LMO3: variants seen among roughly 807,000 people sequenced by gnomAD.
The protein encoded by LMO3 is LIM domain only protein 3.
LMO3 carries 2 observed loss-of-function variants against 15.8 expected under a neutral mutation model. That is an observed-to-expected ratio of 0.13 (90% confidence interval 0.05 to 0.40). The LOEUF is 0.40. LMO3 is among the 10% of genes least tolerant of loss of function. LMO3 has a pLI of 0.99. For synonymous variants in LMO3, 62 were observed against 63.8 expected, an observed-to-expected ratio of 0.97 and a Z score of 0.13; for missense variants, 86 against 182.2, an observed-to-expected ratio of 0.47 and a Z score of 3.04.
rs938372614 is a variant in LMO3, at chr12:16,582,693, C to T, written c.206+17962G>A. ...AATAAGTATACCACAACAAGATCAC[C>T]GTTCCTAGGTACGGTCCCTCACTCT... On this transcript the variant is annotated intron_variant, in intron 2 of 3. Transcript: ENST00000537304. This position sits in a 1 kb window ranked among gnomAD's most constrained non-coding sequence, Gnocchi z 4.1. Among the ~76,000 whole-genome samples the T allele has an allele frequency of 1.5e-4, 23 of 152,136 alleles. No individual in the cohort carries two copies. The highest frequency in any genetic ancestry group is 4.6e-4 in the African/African-American group (19 of 41,428).
intron 1 of LMO3, among the ~76,000 whole-genome samples, chr12:16,602,648 T>C (rs1482183692): frequency 1.3e-5 from 2 of 152,208 alleles, no homozygotes; most frequent in African/African-American, 2.4e-5. Context: ...CTAGTGTAGA[T>C]TAATCATAAC....
At chr12:16,594,384 TAC>T in intron 2 of LMO3, 1 of 787,392 alleles carries the variant, frequency 1.3e-6, no homozygotes, top group Non-Finnish European at 1.8e-6. Context: ...ACATGGCTAA[TAC>T]AAATGGAGTT....
chr12:16,609,379 C>T (rs1303130117), upstream of LMO3: 1 of 152,142 alleles, frequency 6.6e-6, no homozygotes, highest in African/African-American at 2.4e-5. Context: ...CTCAGCCAAG[C>T]TAAAGGTTGG....
At chr12:16,552,215 ACT>A (rs1351759439) in intron 3 of LMO3, among the ~76,000 whole-genome samples, 4 of 151,976 alleles carry the variant, frequency 2.6e-5, no homozygotes, top group Non-Finnish European at 5.9e-5. Context: ...CAATAAAGTA[ACT>A]CTGGGGAGAT....
upstream of LMO3, chr12:16,607,277 C>T (rs1004721064): frequency 2.0e-5 from 3 of 152,352 alleles, no homozygotes; most frequent in East Asian, 1.9e-4. Context: ...CCTGCAATTA[C>T]TTGAATTCCT....
rs1942170248 is a variant in LMO3 at position 16,555,822 on chromosome 12, G to C, written c.333-4495C>G. ...AAATTCCTTTCCTCACTGCTCCCTG[G>C]CTCCCTCATCTTCCCCAACCCCGAG... On this transcript the variant is annotated intron_variant, in intron 3 of 3. Transcript: ENST00000537304. The surrounding 1 kb of genome is among the most constrained non-coding windows in gnomAD (Gnocchi z 5.5). Among the ~76,000 whole-genome samples, 1 of 151,944 alleles carries C rather than the reference G, an allele frequency of 6.6e-6. No homozygotes were observed. The highest frequency in any genetic ancestry group is 2.1e-4 in the South Asian group (1 of 4,798).
chr12:16,572,596 T>TA (rs1192312869), intron 2 of LMO3, among the ~76,000 whole-genome samples: 4 of 149,610 alleles, frequency 2.7e-5, no homozygotes, highest in African/African-American at 9.7e-5. Context: ...GAGTATGTGT[T>TA]AGGGTGTGTA....
rs552292102 is a variant in LMO3, at chr12:16,587,630, T to C, written c.206+13025A>G. Reference sequence around the variant, plus strand: ...GTCAGTGTATCATTTTTTTAAGCAATGGACCCTATAATAGCAAGCACTGGT... The same window carrying C: ...GTCAGTGTATCATTTTTTTAAGCAACGGACCCTATAATAGCAAGCACTGGT... On this transcript the variant is annotated intron_variant, in intron 2 of 3. Coordinates refer to ENST00000537304, the MANE Select transcript of LMO3 (RefSeq NM_018640.5). The surrounding 1 kb of genome is among the most constrained non-coding windows in gnomAD (Gnocchi z 4.3). Among the ~76,000 whole-genome samples the C allele has an allele frequency of 6.6e-6, 1 of 152,224 alleles. No individual in the cohort carries two copies. The highest frequency in any genetic ancestry group is 1.9e-4 in the East Asian group (1 of 5,168).
Position 16,596,485 on chromosome 12 carries a change from T to C in LMO3, c.206+4170A>G, listed in dbSNP as rs1233692384. Among the ~76,000 whole-genome samples the C allele has an allele frequency of 2.0e-5, 3 of 151,648 alleles. No individual in the cohort carries two copies. The highest frequency in any genetic ancestry group is 2.0e-4 in the Admixed American group (3 of 15,208). On this transcript the variant is annotated intron_variant, in intron 2 of 3. Transcript: ENST00000537304. This position sits in a 1 kb window ranked among gnomAD's most constrained non-coding sequence, Gnocchi z 4.3. The stretch of plus-strand genomic sequence containing the variant: ...AGATACAAGATACATACAGCCTATA[T>C]AGACTTAATGCTTAAAGTACGTCAC...
intron 2 of LMO3, among the ~76,000 whole-genome samples, chr12:16,580,315 A>C (rs887024362): frequency 6.6e-6 from 1 of 152,192 alleles, no homozygotes; most frequent in Non-Finnish European, 1.5e-5. Flanking sequence ...TACTGGGAGC[A>C]CTAGGAATAG....
Position 16,576,101 on chromosome 12 carries a change from C to T in LMO3, c.207-15563G>A, listed in dbSNP as rs971845217. On this transcript the variant is annotated intron_variant, in intron 2 of 3. Coordinates refer to ENST00000537304, the MANE Select transcript of LMO3 (RefSeq NM_018640.5). The surrounding 1 kb of genome is among the most constrained non-coding windows in gnomAD (Gnocchi z 4.1). ...GCGCGCATCGCTTCTCCCTTGCACT[C>T]ATACTACAACCTCCCAGCTGAACAT... Among the ~76,000 whole-genome samples, 2 of 152,186 alleles carry T rather than the reference C, an allele frequency of 1.3e-5. No homozygotes were observed. Among genetic ancestry groups the T allele is most frequent in the African/African-American group, 2.4e-5 (1 of 41,442 alleles).
At position 16,604,055 on chromosome 12, in the gene LMO3, G is replaced by C. The variant is rs1013440267; in HGVS notation, c.-9+2011C>G. On this transcript the variant is annotated intron_variant, in intron 1 of 3. Transcript: ENST00000537304. The surrounding 1 kb of genome is among the most constrained non-coding windows in gnomAD (Gnocchi z 5.3). ...AATGGGAATGCAGGTTCTGCAGCTG[G>C]GAGCATTGACACAGATTAAAAGAAT... 2.0e-5 allele frequency among the ~76,000 whole-genome samples: 3 copies of C among 152,128 alleles called. No individual in the cohort carries two copies. Among genetic ancestry groups the C allele is most frequent in the African/African-American group, 7.2e-5 (3 of 41,398 alleles).
chr12:16,560,599 A>C lies in LMO3; in HGVS notation c.207-61T>G. 3 of 1,475,866 alleles carry C rather than the reference A, an allele frequency of 2.0e-6. No individual in the cohort carries two copies. The highest frequency in any genetic ancestry group is 2.8e-6 in the Non-Finnish European group (3 of 1,067,516). 91.4% of individuals were successfully genotyped at this position (1,475,866 alleles called of 1,614,324 possible). On this transcript the variant is annotated intron_variant, in intron 2 of 3. Coordinates refer to ENST00000537304, the MANE Select transcript of LMO3 (RefSeq NM_018640.5). This position sits in a 1 kb window ranked among gnomAD's most constrained non-coding sequence, Gnocchi z 5.0. ...CTTACAGAGAAATCTGAGATCGTGA[A>C]GAGAGATGATGTTAATATACTCTGT...
Position 16,551,345 on chromosome 12 carries a change from A to G in LMO3, c.333-18T>C, listed in dbSNP as rs759563257. ...CACAAAATCTGAAAATATTTTAAAC[A>G]ATAAAATGTGGTTAAGACCATTTCA... On this transcript the variant is annotated intron_variant, in intron 3 of 3. Coordinates refer to ENST00000537304, the MANE Select transcript of LMO3 (RefSeq NM_018640.5). 7.0e-7 allele frequency: 1 copy of G among 1,431,554 alleles called. No homozygotes were observed. The highest frequency in any genetic ancestry group is 2.3e-5 in the East Asian group (1 of 44,006). The allele number at this position is 1,431,554 out of a possible 1,614,324, so 88.7% of individuals were successfully genotyped here.
chr12:16,602,078 C>G (rs1056335913), intron 1 of LMO3: 1 of 152,198 alleles, frequency 6.6e-6, no homozygotes, highest in Non-Finnish European at 1.5e-5. Flanking sequence ...GCTATAGACT[C>G]CAGCCAAATG....
intron 2 of LMO3, among the ~76,000 whole-genome samples, chr12:16,568,133 G>A (rs1453421082): frequency 2.0e-5 from 3 of 152,062 alleles, no homozygotes; most frequent in Admixed American, 1.3e-4. Flanking sequence ...TATTGTCATC[G>A]GTTTCTCTGG....
chr12:16,566,446 C>T (rs1046791488), intron 2 of LMO3, among the ~76,000 whole-genome samples: 5 of 151,758 alleles, frequency 3.3e-5, no homozygotes, highest in Admixed American at 3.3e-4. Flanking sequence ...ATGTATGAGG[C>T]GATGGGTATT....
chr12:16,592,122 C>T (rs905548611), intron 2 of LMO3, among the ~76,000 whole-genome samples: 6 of 151,936 alleles, frequency 3.9e-5, no homozygotes, highest in African/African-American at 1.4e-4. Flanking sequence ...ATATATTATA[C>T]AAAATTAATT....
rs1170737366 is a variant in LMO3 at position 16,604,769 on chromosome 12, G to T, written c.-9+1297C>A. On this transcript the variant is annotated intron_variant, in intron 1 of 3. Transcript: ENST00000537304. This position sits in a 1 kb window ranked among gnomAD's most constrained non-coding sequence, Gnocchi z 5.3. ...CAACAATAATATTTCGGTTCTTTCA[G>T]AAAGACACAAAAGCAGCGGAAAAGC... The T allele has an allele frequency of 2.9e-6, 4 of 1,365,152 alleles. No homozygotes were observed. Among genetic ancestry groups the T allele is most frequent in the Non-Finnish European group, 4.1e-6 (4 of 972,668 alleles). 84.6% of individuals were successfully genotyped at this position (1,365,152 alleles called of 1,614,324 possible). A position where few individuals can be genotyped will look rare whatever the true frequency, so the allele number is the denominator to read the frequency against.
Sources: gnomAD v4.1 joint callset for allele counts (sites outside exome capture counted in the v4.1 genomes callset) on GRCh38, gnomAD v4.1.1 for gene constraint, Gnocchi (gnomAD v3.1) non-coding constraint, MANE v1.5 for transcripts, NCBI Gene and HGNC (gene_info 2026-07-23, HGNC 2026-07-21) for gene names.